Variants in SAR1A observed in about 807,000 individuals in gnomAD.
The protein encoded by SAR1A is secretion associated Ras related GTPase 1A, also known as small COPII coat GTPase SAR1A.
A neutral mutation model predicts 22.6 loss-of-function variants in SAR1A; 6 were observed. The ratio of observed to expected loss-of-function variants is 0.27; its 90% CI spans 0.15 to 0.52. The LOEUF (loss-of-function observed/expected upper bound fraction) is 0.52, where lower values mean the gene tolerates loss of function less well. Among genes scored for constraint, SAR1A ranks in the 20% least tolerant of loss-of-function variants. The probability of loss-of-function intolerance (pLI) is 0.96; values close to 1 mark genes in which losing one functional copy is unlikely to be tolerated. For synonymous variants in SAR1A, 70 were observed against 82.2 expected (o/e 0.85, Z 0.80); for missense variants, 145 against 245.1 (o/e 0.59, Z 2.73).
chr10:70,152,340 T>C lies in SAR1A; in HGVS notation c.*136A>G, dbSNP rs1306888718. The C allele has an allele frequency of 2.0e-5, 18 of 906,856 alleles. No homozygotes were observed. Among genetic ancestry groups the C allele is most frequent in the East Asian group, 5.1e-5 (2 of 39,162 alleles). The allele number at this position is 906,856 out of a possible 1,614,324, so 56.2% of individuals were successfully genotyped here. ...ATGTCACCACTGGGCAATGAGAGAG[T>C]TGACAGAGACTCTTGGCTTCTCAAC... On this transcript the variant is annotated 3_prime_UTR_variant, in exon 7 of 7. Coordinates refer to ENST00000373241, the MANE Select transcript of SAR1A (RefSeq NM_020150.5).
chr10:70,161,620 C>T lies in SAR1A; in HGVS notation c.177G>A (p.Pro59=), dbSNP rs1334513857. The T allele has an allele frequency of 1.3e-5, 21 of 1,612,022 alleles. No individual in the cohort carries two copies. The South Asian group carries it at 1.6e-4, about 13-fold the overall frequency. The change falls in exon 3 of 7, where the codon CCG becomes CCA. Residue 59 remains proline (P), a splice_region_variant and synonymous_variant. Transcript: ENST00000373241. ...GTCACCTGATATTTTCAAACCTACT[C>T]GGATGTAGTGTTGGAACATGTTGGC... ...RLGQHVPTLH[P]TSEELTIAGM...
rs1003261332 is a variant in SAR1A, at chr10:70,152,366, G to A, written c.*110C>T. 2.4e-5 allele frequency: 24 copies of A among 983,628 alleles called. No homozygotes were observed. The highest frequency in any genetic ancestry group is 1.4e-4 in the African/African-American group (9 of 62,636). 60.9% of individuals were successfully genotyped at this position (983,628 alleles called of 1,614,324 possible). On this transcript the variant is annotated 3_prime_UTR_variant, in exon 7 of 7. Coordinates refer to ENST00000373241, the MANE Select transcript of SAR1A (RefSeq NM_020150.5). The stretch of plus-strand genomic sequence containing the variant: ...TGACAGAGACTCTTGGCTTCTCAAC[G>A]CCAGACATGGTTGGAGAGCTTTCCT...
chr10:70,152,230 A>T lies in SAR1A; in HGVS notation c.*246T>A. 1 of 802,268 alleles carries T rather than the reference A, an allele frequency of 1.2e-6. No individual in the cohort carries two copies. Among genetic ancestry groups the T allele is most frequent in the South Asian group, 1.5e-5 (1 of 66,658 alleles). 49.7% of individuals were successfully genotyped at this position (802,268 alleles called of 1,614,324 possible). ...GATGGCATACAGCTTTACCCGGCAAATCCTGCCAGCTTCCAAGTCCCAGGA... is the reference window on the plus strand; with the variant it reads ...GATGGCATACAGCTTTACCCGGCAATTCCTGCCAGCTTCCAAGTCCCAGGA... On this transcript the variant is annotated 3_prime_UTR_variant, in exon 7 of 7. Coordinates refer to ENST00000373241, the MANE Select transcript of SAR1A (RefSeq NM_020150.5).
At position 70,151,045 on chromosome 10, in the gene SAR1A, A is replaced by G. The variant is rs1839319345; in HGVS notation, c.*1431T>C. ...CTTTTATTATAAGGGTAGAATATAG[A>G]TTAAGATCATCAAAATCCAATTTCA... On this transcript the variant is annotated 3_prime_UTR_variant, in exon 7 of 7. Transcript: ENST00000373241. 6.6e-6 allele frequency: 1 copy of G among 152,106 alleles called. No homozygotes were observed. Among genetic ancestry groups the G allele is most frequent in the African/African-American group, 2.4e-5 (1 of 41,420 alleles). The allele number at this position is 152,106 out of a possible 1,614,324, so 9.4% of individuals were successfully genotyped here.
intron 5 of SAR1A, chr10:70,155,011 C>T (rs1287384935): frequency 6.3e-6 from 3 of 473,986 alleles, no homozygotes; most frequent in South Asian, 1.6e-5. Context: ...GGAAGCCACA[C>T]AGTACTGCAT....
chr10:70,157,779 G>A lies in SAR1A; in HGVS notation c.333C>T (p.Ser111=). 1 of 1,611,650 alleles carries A rather than the reference G, an allele frequency of 6.2e-7. No individual in the cohort carries two copies. Residue 111 remains serine (S), a synonymous_variant, in exon 5 of 7, where the codon TCC becomes TCT. Transcript: ENST00000373241. ...DCADHSRLVE[S]KVELNALMTD... ...CAAAACATACATTAAGCTCAACTTT[G>A]GATTCCACGAGGCGAGAATGATCTG...
At chr10:70,156,051 C>T (rs1345606241) in intron 5 of SAR1A, among the ~76,000 whole-genome samples, 2 of 152,136 alleles carry the variant, frequency 1.3e-5, no homozygotes, top group Non-Finnish European at 2.9e-5. Flanking sequence ...TTGTGGACTG[C>T]ATGTCCAGGT....
intron 5 of SAR1A, among the ~76,000 whole-genome samples, chr10:70,155,989 A>G (rs1377243976): frequency 6.6e-6 from 1 of 152,244 alleles, no homozygotes; most frequent in African/African-American, 2.4e-5. Flanking sequence ...AGTTCCTTCT[A>G]GCATTATGGT....
chr10:70,158,974 T>C (rs1443220981), intron 4 of SAR1A, among the ~76,000 whole-genome samples: 1 of 152,210 alleles, frequency 6.6e-6, no homozygotes, highest in Non-Finnish European at 1.5e-5. Context: ...TTCAGGTATA[T>C]AAAACCATCT....
At chr10:70,168,636 T>G (rs1415045132) in intron 1 of SAR1A, among the ~76,000 whole-genome samples, 2 of 152,110 alleles carry the variant, frequency 1.3e-5, no homozygotes, top group African/African-American at 4.8e-5. Context: ...GATGTAAACA[T>G]TTTTTACAAG....
chr10:70,169,134 G>A (rs1191412133), intron 1 of SAR1A, among the ~76,000 whole-genome samples: 3 of 152,152 alleles, frequency 2.0e-5, no homozygotes, highest in Non-Finnish European at 2.9e-5. Flanking sequence ...TCCTAGTTTT[G>A]CTGAGTCCTT....
At chr10:70,163,657 C>T (rs903612591) in intron 1 of SAR1A, 9 of 745,262 alleles carry the variant, frequency 1.2e-5, no homozygotes, top group Admixed American at 1.8e-5. Flanking sequence ...TGTGTGGTTG[C>T]GTCTCGGAAA....
At chr10:70,168,449 G>A (rs1395542389) in intron 1 of SAR1A, among the ~76,000 whole-genome samples, 1 of 152,030 alleles carries the variant, frequency 6.6e-6, no homozygotes, top group East Asian at 1.9e-4. Context: ...ACAAAAATTA[G>A]CTAGGCATGG....
rs1267111884 is a variant in SAR1A at position 70,161,065 on chromosome 10, T to C, written c.183A>G (p.Ser61=). 11 of 1,611,706 alleles carry C rather than the reference T, an allele frequency of 6.8e-6. No individual in the cohort carries two copies. The highest frequency in any genetic ancestry group is 1.3e-5 in the African/African-American group (1 of 74,780). ...TCATTCCAGCAATTGTTAGCTCTTCTGATGCTGAAAAATTGTTTAAAAAGA... is the reference window on the plus strand; with the variant it reads ...TCATTCCAGCAATTGTTAGCTCTTCCGATGCTGAAAAATTGTTTAAAAAGA... The part of the protein sequence containing the change: ...GQHVPTLHPT[S]EELTIAGMTF... Residue 61 remains serine (S), a synonymous_variant, in exon 4 of 7, where the codon TCA becomes TCG. Coordinates refer to ENST00000373241, the MANE Select transcript of SAR1A (RefSeq NM_020150.5).
Position 70,151,612 on chromosome 10 carries a change from G to A in SAR1A, c.*864C>T, listed in dbSNP as rs1227387641. The A allele has an allele frequency of 1.3e-5, 2 of 152,672 alleles. No individual in the cohort carries two copies. The highest frequency in any genetic ancestry group is 3.4e-3 in the Middle Eastern group (1 of 294). The allele number at this position is 152,672 out of a possible 1,614,324, so 9.5% of individuals were successfully genotyped here. A position where few individuals can be genotyped will look rare whatever the true frequency, so the allele number is the denominator to read the frequency against. On this transcript the variant is annotated 3_prime_UTR_variant, in exon 7 of 7. Coordinates refer to ENST00000373241, the MANE Select transcript of SAR1A (RefSeq NM_020150.5). Reference sequence around the variant, plus strand: ...AGAGATGTTCTCAACTCTTTTATGAGGTCAAAGTCACTTTTGATAACTGAA... The same window carrying A: ...AGAGATGTTCTCAACTCTTTTATGAAGTCAAAGTCACTTTTGATAACTGAA...
chr10:70,158,388 C>T (rs904498195), intron 4 of SAR1A, among the ~76,000 whole-genome samples: 1 of 152,224 alleles, frequency 6.6e-6, no homozygotes, highest in South Asian at 2.1e-4. Flanking sequence ...TTGACACATT[C>T]CTCTGCTCAG....
intron 1 of SAR1A, among the ~76,000 whole-genome samples, chr10:70,165,719 T>C (rs1400673453): frequency 6.6e-6 from 1 of 152,142 alleles, no homozygotes; most frequent in Non-Finnish European, 1.5e-5. Context: ...ATTTAGAAAA[T>C]TACAAAAACT....
Position 70,153,494 on chromosome 10 carries a change from A to G in SAR1A, c.480+344T>C, listed in dbSNP as rs372172487. 1.3e-3 allele frequency among the ~76,000 whole-genome samples: 196 copies of G among 152,294 alleles called. 4 individuals are homozygous for G. The South Asian group carries it at 0.029, about 23-fold the overall frequency. On this transcript the variant is annotated intron_variant, in intron 6 of 6. Transcript: ENST00000373241. The stretch of plus-strand genomic sequence containing the variant: ...ATTGAAATGATTATTTTTCTTCATA[A>G]CCTGCAAACTCCAGTCCAAAAAAAA...
intron 1 of SAR1A, among the ~76,000 whole-genome samples, chr10:70,169,437 A>G (rs1247500521): frequency 2.0e-5 from 3 of 152,226 alleles, no homozygotes; most frequent in Non-Finnish European, 2.9e-5. Context: ...AGTTAAGAGT[A>G]ATCTAAAATT....
Sources: gnomAD v4.1 joint callset for allele counts (sites outside exome capture counted in the v4.1 genomes callset) on GRCh38, gnomAD v4.1.1 for gene constraint, MANE v1.5 for transcripts, NCBI Gene and HGNC (gene_info 2026-07-23, HGNC 2026-07-21) for gene names.